Variants in RORA observed in about 807,000 individuals in gnomAD.
The protein encoded by RORA is RAR related orphan receptor A.
In RORA, 7 loss-of-function variants were observed where a neutral mutation model predicts 69.5. The observed-to-expected ratio is 0.10, with a 90% confidence interval of 0.06 to 0.19. The LOEUF (loss-of-function observed/expected upper bound fraction) is 0.19. RORA is among the 10% of genes least tolerant of loss of function. The probability of loss-of-function intolerance (pLI) is 1.00; values close to 1 mark genes in which losing one functional copy is unlikely to be tolerated. For synonymous variants in RORA, 261 were observed against 240.8 expected (o/e 1.08, Z -0.78); for missense variants, 457 against 663.0 (o/e 0.69, Z 3.41).
intron 1 of RORA, among the ~76,000 whole-genome samples, chr15:60,806,632 A>G (rs1027711650): frequency 6.6e-6 from 1 of 152,238 alleles, no homozygotes; most frequent in Non-Finnish European, 1.5e-5. Flanking sequence ...ACCTGCAACA[A>G]TGCTACAAAG....
At chr15:60,920,525 C>T (rs980845950) in intron 1 of RORA, among the ~76,000 whole-genome samples, 1 of 152,186 alleles carries the variant, frequency 6.6e-6, no homozygotes, top group Non-Finnish European at 1.5e-5. Flanking sequence ...AGTCACCAAG[C>T]TTTACCAGTA....
At chr15:60,884,579 G>A (rs1036032152) in intron 1 of RORA, among the ~76,000 whole-genome samples, 2 of 152,178 alleles carry the variant, frequency 1.3e-5, no homozygotes, top group African/African-American at 4.8e-5. Context: ...AAATGAAAGA[G>A]GGATACAGGG....
intron 1 of RORA, among the ~76,000 whole-genome samples, chr15:61,205,137 A>G (rs1297093538): frequency 6.6e-6 from 1 of 152,222 alleles, no homozygotes; most frequent in Non-Finnish European, 1.5e-5. Flanking sequence ...GAGCCAGAGA[A>G]GAGTCCATGG....
chr15:61,009,373 C>A (rs989006587), intron 1 of RORA, among the ~76,000 whole-genome samples: 6 of 152,204 alleles, frequency 3.9e-5, no homozygotes, highest in Non-Finnish European at 8.8e-5. Flanking sequence ...ATGAAAGAAA[C>A]TGCCACAACT....
At chr15:60,880,972 T>C (rs141626333) in intron 1 of RORA, among the ~76,000 whole-genome samples, 47 of 152,324 alleles carry the variant, frequency 3.1e-4, no homozygotes, top group African/African-American at 1.1e-3. Flanking sequence ...CTCTCACCCC[T>C]ATTTTAACCT....
chr15:60,632,698 C>T (rs908463764), intron 2 of RORA, among the ~76,000 whole-genome samples: 1 of 152,032 alleles, frequency 6.6e-6, no homozygotes, highest in South Asian at 2.1e-4. Flanking sequence ...ACAACTCACA[C>T]GCATCGGGTG....
At chr15:60,555,592 T>A (rs1219850594) in intron 2 of RORA, among the ~76,000 whole-genome samples, 4 of 152,086 alleles carry the variant, frequency 2.6e-5, no homozygotes, top group Non-Finnish European at 5.9e-5. Flanking sequence ...GGTACTAGGT[T>A]ACTGTTTGAA....
chr15:60,558,753 C>A (rs1048363351), intron 2 of RORA, among the ~76,000 whole-genome samples: 1 of 152,176 alleles, frequency 6.6e-6, no homozygotes, highest in Admixed American at 6.5e-5. Context: ...GTCTCAGAAC[C>A]AAGCAAGAGT....
intron 6 of RORA, among the ~76,000 whole-genome samples, chr15:60,504,882 G>A (rs530415455): frequency 1.3e-5 from 2 of 152,122 alleles, no homozygotes; most frequent in Non-Finnish European, 2.9e-5. Context: ...ACTGAATTAG[G>A]AGCCAGGAGT....
At chr15:60,861,680 A>G (rs534853223) in intron 1 of RORA, among the ~76,000 whole-genome samples, 1 of 152,252 alleles carries the variant, frequency 6.6e-6, no homozygotes, top group Admixed American at 6.5e-5. Context: ...AGCATAATAA[A>G]TACTCTTTAA....
chr15:61,186,047 G>A (rs1215379593), intron 1 of RORA, among the ~76,000 whole-genome samples: 4 of 152,170 alleles, frequency 2.6e-5, no homozygotes, highest in Admixed American at 6.5e-5. Context: ...AGTTCTCTCT[G>A]TGGCTGGCTC....
chr15:61,161,808 G>C (rs757158866), intron 1 of RORA, among the ~76,000 whole-genome samples: 1 of 151,980 alleles, frequency 6.6e-6, no homozygotes, highest in Non-Finnish European at 1.5e-5. Context: ...TCTTCCCCCC[G>C]TGAAGGCCAC....
At chr15:61,064,398 C>T (rs577796115) in intron 1 of RORA, among the ~76,000 whole-genome samples, 39 of 152,316 alleles carry the variant, frequency 2.6e-4, no homozygotes, top group African/African-American at 8.9e-4. Context: ...ACATGACCCA[C>T]TCTTACTGGC....
intron 1 of RORA, among the ~76,000 whole-genome samples, chr15:60,851,301 C>A (rs941297497): frequency 6.6e-6 from 1 of 152,218 alleles, no homozygotes; most frequent in African/African-American, 2.4e-5. Flanking sequence ...GCCGCTTCCA[C>A]AATCTTATGT....
chr15:61,002,562 G>GA (rs912913219), intron 1 of RORA, among the ~76,000 whole-genome samples: 30 of 152,064 alleles, frequency 2.0e-4, no homozygotes, highest in African/African-American at 7.0e-4. Context: ...GTATTATATT[G>GA]AAAAAAATAT....
chr15:60,531,930 A>G lies in RORA; in HGVS notation c.197-79T>C. ...AAAGCGTTCCCTGATCAGCATTTGT[A>G]TAGTGAAAACTAATAACCTGCTAAA... On this transcript the variant is annotated intron_variant, in intron 2 of 10. Coordinates refer to ENST00000335670, the MANE Select transcript of RORA (RefSeq NM_134261.3). This position sits in a 1 kb window ranked among gnomAD's most constrained non-coding sequence, Gnocchi z 4.8. 1.2e-6 allele frequency: 1 copy of G among 806,064 alleles called. No homozygotes were observed. The highest frequency in any genetic ancestry group is 2.0e-6 in the Non-Finnish European group (1 of 493,556). 49.9% of individuals were successfully genotyped at this position (806,064 alleles called of 1,614,324 possible). A position where few individuals can be genotyped will look rare whatever the true frequency, so the allele number is the denominator to read the frequency against.
intron 1 of RORA, among the ~76,000 whole-genome samples, chr15:61,090,316 G>A (rs1391357919): frequency 1.3e-5 from 2 of 152,146 alleles, no homozygotes; most frequent in Non-Finnish European, 2.9e-5. Flanking sequence ...CCAGTTCTCA[G>A]TTTTATGATT....
chr15:60,963,890 TG>T (rs1293302202), intron 1 of RORA, among the ~76,000 whole-genome samples: 1 of 152,198 alleles, frequency 6.6e-6, no homozygotes, highest in African/African-American at 2.4e-5. Context: ...GGTTCATCAG[TG>T]GGTGGCTTAA....
intron 2 of RORA, among the ~76,000 whole-genome samples, chr15:60,538,404 T>C (rs968629205): frequency 2.0e-5 from 3 of 152,146 alleles, no homozygotes; most frequent in Non-Finnish European, 4.4e-5. Context: ...CAAAGCTCTT[T>C]GAAGATGAAA....
Sources: gnomAD v4.1 joint callset for allele counts (sites outside exome capture counted in the v4.1 genomes callset) on GRCh38, gnomAD v4.1.1 for gene constraint, Gnocchi (gnomAD v3.1) non-coding constraint, MANE v1.5 for transcripts, NCBI Gene and HGNC (gene_info 2026-07-23, HGNC 2026-07-21) for gene names.